PTPRF: variants seen among roughly 807,000 people sequenced by gnomAD.
The protein encoded by PTPRF is receptor-type tyrosine-protein phosphatase F.
Under a neutral mutation model 201.8 loss-of-function variants are expected in PTPRF, and 59 were observed. The ratio of observed to expected loss-of-function variants is 0.29; its 90% CI spans 0.24 to 0.36. PTPRF has a LOEUF of 0.36. PTPRF is among the 10% of genes least tolerant of loss of function. The probability of loss-of-function intolerance (pLI) is 1.00; values close to 1 mark genes in which losing one functional copy is unlikely to be tolerated. For missense variants in PTPRF, 2,132 were observed against 2,690.5 expected, an observed-to-expected ratio of 0.79 and a Z score of 4.59; for synonymous variants, 1,088 against 1,089.7, an observed-to-expected ratio of 1.00 and a Z score of 0.03.
chr1:43,592,226 C>T (rs1430795923), intron 10 of PTPRF, among the ~76,000 whole-genome samples: 1 of 152,134 alleles, frequency 6.6e-6, no homozygotes, highest in Non-Finnish European at 1.5e-5. Flanking sequence ...CCTGAAGTTT[C>T]CCCAGAAGCC....
In PTPRF at chr1:43,592,983, T is replaced by C. The variant is rs138678483; in HGVS notation, c.1813+382T>C. On this transcript the variant is annotated intron_variant, in intron 11 of 33. Transcript: ENST00000359947. ...GTCCCAGACCTGCTTTGGCGGCTGT[T>C]TCTCCTCCCTATGGCCCCGCATCTC... 4.7e-3 allele frequency among the ~76,000 whole-genome samples: 719 copies of C among 152,278 alleles called. 8 individuals are homozygous for C. Among genetic ancestry groups the C allele is most frequent in the African/African-American group, 0.017 (687 of 41,546 alleles).
chr1:43,545,277 A>C, intron 3 of PTPRF, 111 bp downstream of exon 3: 1 of 1,180,472 alleles, frequency 8.5e-7, no homozygotes, highest in Non-Finnish European at 1.2e-6. Flanking sequence ...GGGTGGCCAG[A>C]AACCCTTTAG....
At chr1:43,562,429 G>A (rs1645872189) in intron 5 of PTPRF, among the ~76,000 whole-genome samples, 1 of 151,430 alleles carries the variant, frequency 6.6e-6, no homozygotes, top group Non-Finnish European at 1.5e-5. Flanking sequence ...TTTTTGAAAC[G>A]GAGTCTCACT....
At position 43,539,435 on chromosome 1, in the gene PTPRF, C is replaced by T. The variant is rs79848797; in HGVS notation, c.-46+1158C>T. 4.7e-3 allele frequency among the ~76,000 whole-genome samples: 716 copies of T among 152,290 alleles called. 3 individuals are homozygous for T. Among genetic ancestry groups the T allele is most frequent in the Non-Finnish European group, 7.5e-3 (510 of 68,016 alleles). The stretch of plus-strand genomic sequence containing the variant: ...GTCTGTTCACCCTCTGTAAGCTCCT[C>T]GAAGGCAGAGCCTGTGACTCTCTTG... On this transcript the variant is annotated intron_variant, in intron 2 of 33. Coordinates refer to ENST00000359947, the MANE Select transcript of PTPRF (RefSeq NM_002840.5).
intron 2 of PTPRF, among the ~76,000 whole-genome samples, chr1:43,544,750 T>TA (rs1644555130): frequency 6.6e-6 from 1 of 152,192 alleles, no homozygotes; most frequent in Non-Finnish European, 1.5e-5. Flanking sequence ...CTGTACCTCC[T>TA]ACTCAGGTTT....
At chr1:43,578,990 A>G (rs751803783) in intron 7 of PTPRF, 70 bp downstream of exon 7, 1 of 1,455,720 alleles carries the variant, frequency 6.9e-7, no homozygotes, top group Non-Finnish European at 9.6e-7. Context: ...CTCTCTGCCC[A>G]GAGCCCTTGG....
rs748737963 is a variant in PTPRF, at chr1:43,569,749, G to T, written c.539G>T (p.Ser180Ile). 1 of 1,612,776 alleles carries T rather than the reference G, an allele frequency of 6.2e-7. No individual in the cohort carries two copies. The highest frequency in any genetic ancestry group is 1.7e-5 in the Admixed American group (1 of 59,952). Reference protein sequence around the residue: ...KDFLPVDPATSNGRIKQLRSG... With the variant: ...KDFLPVDPATINGRIKQLRSG... ...TTCCTTCCTGTAGACCCTGCCACGA[G>T]CAACGGCCGCATCAAGCAGCTGCGT... Residue 180 changes from serine (S) to isoleucine (I), a missense_variant, in exon 6 of 34, where the codon AGC (serine) becomes ATC (isoleucine). Transcript: ENST00000359947.
In PTPRF at chr1:43,618,626, G is replaced by T; in HGVS notation, c.4372-4G>T. 6.3e-7 allele frequency: 1 copy of T among 1,592,826 alleles called. No individual in the cohort carries two copies. The highest frequency in any genetic ancestry group is 8.6e-7 in the Non-Finnish European group (1 of 1,162,606). On this transcript the variant is annotated splice_polypyrimidine_tract_variant and splice_region_variant and intron_variant, in intron 25 of 33. Coordinates refer to ENST00000359947, the MANE Select transcript of PTPRF (RefSeq NM_002840.5). ...TTCAGCCTGCCCTGCTCATCCTCCTGCAGGTAAAATGTGATCAGTACTGGC... is the reference window on the plus strand; with the variant it reads ...TTCAGCCTGCCCTGCTCATCCTCCTTCAGGTAAAATGTGATCAGTACTGGC...
intron 6 of PTPRF, among the ~76,000 whole-genome samples, chr1:43,576,497 G>A (rs907978667): frequency 2.6e-5 from 4 of 152,176 alleles, no homozygotes; most frequent in Admixed American, 6.5e-5. Flanking sequence ...AGGCTCGTGC[G>A]TAACTCCATC....
rs781743601 is a variant in PTPRF at position 43,618,734 on chromosome 1, C to T, written c.4476C>T (p.Thr1492=). The change falls in exon 26 of 34, where the codon ACC becomes ACT. Residue 1492 remains threonine, a synonymous_variant. Transcript: ENST00000359947. The stretch of plus-strand genomic sequence containing the variant: ...AGCTGGCCACATACACTGTGCGCAC[C>T]TTCGCACTCCACAAGGTATAGCCTT... ...TVELATYTVR[T]FALHKSGSSE... 1 of 1,604,892 alleles carries T rather than the reference C, an allele frequency of 6.2e-7. No individual in the cohort carries two copies. Among genetic ancestry groups the T allele is most frequent in the Admixed American group, 1.7e-5 (1 of 59,868 alleles).
intron 3 of PTPRF, among the ~76,000 whole-genome samples, chr1:43,547,169 C>T (rs1324229339): frequency 1.3e-5 from 2 of 152,180 alleles, no homozygotes; most frequent in Non-Finnish European, 2.9e-5. Context: ...CCTCATCCCT[C>T]GCTGTCCCTC....
intron 11 of PTPRF, among the ~76,000 whole-genome samples, chr1:43,592,954 C>T (rs192090655): frequency 1.2e-3 from 189 of 152,308 alleles, no homozygotes; most frequent in African/African-American, 4.4e-3. Flanking sequence ...GGTGGGTCTG[C>T]CATGTCCCAG....
At chr1:43,578,995 C>G (rs963119731) in intron 7 of PTPRF, 75 bp downstream of exon 7, 3 of 1,400,544 alleles carry the variant, frequency 2.1e-6, no homozygotes, top group Non-Finnish European at 3.0e-6. Flanking sequence ...TGCCCAGAGC[C>G]CTTGGTGCAG....
At position 43,622,343 on chromosome 1, in the gene PTPRF, T is replaced by C. The variant is rs562583701; in HGVS notation, c.*340T>C. 103 of 288,564 alleles carry C rather than the reference T, an allele frequency of 3.6e-4. No individual in the cohort carries two copies. The highest frequency in any genetic ancestry group is 6.1e-4 in the Non-Finnish European group (93 of 153,292). 17.9% of individuals were successfully genotyped at this position (288,564 alleles called of 1,614,324 possible). A position where few individuals can be genotyped will look rare whatever the true frequency, so the allele number is the denominator to read the frequency against. The stretch of plus-strand genomic sequence containing the variant: ...AAAGCCTCCTTTTTAATACATTAAG[T>C]GGGGTAGACTGAGGGATTTTAGCCT... On this transcript the variant is annotated 3_prime_UTR_variant, in exon 34 of 34. Coordinates refer to ENST00000359947, the MANE Select transcript of PTPRF (RefSeq NM_002840.5).
intron 6 of PTPRF, among the ~76,000 whole-genome samples, chr1:43,578,000 C>G (rs1320026912): frequency 6.6e-6 from 1 of 152,196 alleles, no homozygotes; most frequent in African/African-American, 2.4e-5. Flanking sequence ...TGGCCTCCCC[C>G]GCCAGGACCT....
At chr1:43,592,775 T>A (rs563931015) in intron 11 of PTPRF, among the ~76,000 whole-genome samples, 174 bp downstream of exon 11, 1 of 152,138 alleles carries the variant, frequency 6.6e-6, no homozygotes, top group East Asian at 1.9e-4. Flanking sequence ...GGTAAGTGCC[T>A]CCCAGTCTGT....
intron 1 of PTPRF, among the ~76,000 whole-genome samples, chr1:43,533,056 A>G (rs140149339): frequency 9.7e-4 from 148 of 152,254 alleles, no homozygotes; most frequent in African/African-American, 3.5e-3. Flanking sequence ...TTACTTGCTC[A>G]GTCTCTTATT....
chr1:43,545,079 G>A lies in PTPRF; in HGVS notation c.4G>A (p.Ala2Thr), dbSNP rs1284169835. The change falls in exon 3 of 34, where the codon GCC (alanine) becomes ACC (threonine). Residue 2 changes from alanine (A) to threonine (T), a missense_variant. Coordinates refer to ENST00000359947, the MANE Select transcript of PTPRF (RefSeq NM_002840.5). ...GGCTGTGGAGCTAGAGCCCTGGATG[G>A]CCCCTGAGCCAGCCCCAGGGAGGAC... M[A>T]PEPAPGRTMV... 1 of 1,575,674 alleles carries A rather than the reference G, an allele frequency of 6.3e-7. No homozygotes were observed. Among genetic ancestry groups the A allele is most frequent in the Non-Finnish European group, 8.6e-7 (1 of 1,160,152 alleles).
intron 6 of PTPRF, among the ~76,000 whole-genome samples, chr1:43,574,092 G>A (rs1646764795): frequency 7.1e-6 from 1 of 139,964 alleles, no homozygotes; most frequent in East Asian, 2.3e-4. Context: ...TGCCTCCCAG[G>A]TTCAAGCAAT....
Sources: allele counts gnomAD v4.1 joint callset (sites outside exome capture counted in the v4.1 genomes callset), GRCh38; gene constraint gnomAD v4.1.1; transcripts MANE v1.5; gene names NCBI Gene and HGNC (gene_info 2026-07-23, HGNC 2026-07-21).